DYRK1A: variants seen among roughly 807,000 people sequenced by gnomAD.
The protein encoded by DYRK1A is dual specificity tyrosine-phosphorylation-regulated kinase 1A.
Under a neutral mutation model 79.7 loss-of-function variants are expected in DYRK1A, and 9 were observed. That is an observed-to-expected ratio of 0.11 (90% CI 0.07 to 0.20). The LOEUF (loss-of-function observed/expected upper bound fraction) is 0.20, where lower values mean the gene tolerates loss of function less well. Ranked by LOEUF, DYRK1A falls within the 10% of genes least tolerant of loss-of-function variation. DYRK1A has a pLI of 1.00. For missense variants in DYRK1A, 622 were observed against 956.0 expected, an observed-to-expected ratio of 0.65 and a Z score of 4.61; for synonymous variants, 349 against 329.7, an observed-to-expected ratio of 1.06 and a Z score of -0.63.
At chr21:37,366,552 C>T (rs1360854223), upstream of DYRK1A, among the ~76,000 whole-genome samples, 5 of 151,376 alleles carry the variant, frequency 3.3e-5, no homozygotes, top group Non-Finnish European at 7.4e-5. Context: ...CACGCGCCCT[C>T]CTCTGACACT....
At position 37,479,606 on chromosome 21, in the gene DYRK1A, G is replaced by GTTTTTTTTTTTTTTTTTT. The variant is rs1183029117; in HGVS notation, c.301-1027_301-1026insTTTTTTTTTTTTTTTTTT. ...GTGTTGGTGTTTTGTTTTTGTTTTT[G>GTTTTTTTTTTTTTTTTTT]TTTTTGTTTTTTGTTTTTTTTTTTT... On this transcript the variant is annotated intron_variant, in intron 4 of 11. Coordinates refer to ENST00000647188, the MANE Select transcript of DYRK1A (RefSeq NM_001347721.2). Among the ~76,000 whole-genome samples, 57 of 27,588 alleles carry GTTTTTTTTTTTTTTTTTT rather than the reference G, an allele frequency of 2.1e-3. 1 individual carries two copies. Among genetic ancestry groups the GTTTTTTTTTTTTTTTTTT allele is most frequent in the South Asian group, 6.9e-3 (5 of 724 alleles). 18.1% of individuals were successfully genotyped at this position (27,588 alleles called of 152,430 possible). A position where few individuals can be genotyped will look rare whatever the true frequency, so the allele number is the denominator to read the frequency against.
chr21:37,519,736 G>GTGTTTT lies in DYRK1A; in HGVS notation c.*7206_*7207insGTTTTT, dbSNP rs1329924530. The GTGTTTT allele has an allele frequency of 1.9e-3, 159 of 85,766 alleles. 1 individual carries two copies. Among genetic ancestry groups the GTGTTTT allele is most frequent in the African/African-American group, 6.5e-3 (133 of 20,582 alleles). The allele number at this position is 85,766 out of a possible 1,614,324, so 5.3% of individuals were successfully genotyped here. ...AGAGTTTTGAGGTTTGTTGTGGGAA[G>GTGTTTT]TTTTTTTTTTTTTTTTTTTTTTTGA... is the stretch of plus-strand genomic sequence containing the variant. On this transcript the variant is annotated 3_prime_UTR_variant, in exon 12 of 12. Transcript: ENST00000647188.
chr21:37,382,418 T>C (rs1399063591), intron 1 of DYRK1A, among the ~76,000 whole-genome samples: 2 of 152,036 alleles, frequency 1.3e-5, no homozygotes, highest in Non-Finnish European at 2.9e-5. Context: ...ACCTGGCTTG[T>C]GGATTGGGTG....
At chr21:37,413,894 G>A (rs1047759431) in intron 1 of DYRK1A, among the ~76,000 whole-genome samples, 2 of 152,092 alleles carry the variant, frequency 1.3e-5, no homozygotes, top group Non-Finnish European at 2.9e-5. Context: ...CTTAGTTCCT[G>A]TTAGCAGAGG....
intron 2 of DYRK1A, among the ~76,000 whole-genome samples, chr21:37,460,230 C>T (rs1049235229): frequency 4.0e-5 from 6 of 151,866 alleles, no homozygotes; most frequent in African/African-American, 9.7e-5. Flanking sequence ...TTTATTGCAA[C>T]ATGTTGAGAA....
At position 37,366,821 on chromosome 21, in the gene DYRK1A, C is replaced by T. The variant is rs1421057683; in HGVS notation, c.-884C>T. On this transcript the variant is annotated 5_prime_UTR_variant, in exon 1 of 12. Coordinates refer to ENST00000647188, the MANE Select transcript of DYRK1A (RefSeq NM_001347721.2). ...TTGTTGGTTGGTTTTTTTTTAAACCCTTTCGCTTCCCGCCCGAATAATAAT... is the reference window on the plus strand; with the variant it reads ...TTGTTGGTTGGTTTTTTTTTAAACCTTTTCGCTTCCCGCCCGAATAATAAT... The T allele has an allele frequency of 1.3e-5, 2 of 151,988 alleles. No homozygotes were observed. Among genetic ancestry groups the T allele is most frequent in the East Asian group, 2.0e-4 (1 of 5,112 alleles). 9.4% of individuals were successfully genotyped at this position (151,988 alleles called of 1,614,324 possible).
chr21:37,417,138 G>A (rs2050357630), intron 1 of DYRK1A, among the ~76,000 whole-genome samples: 1 of 152,092 alleles, frequency 6.6e-6, no homozygotes, highest in South Asian at 2.1e-4. Flanking sequence ...CTGTCATGCT[G>A]ATGCATTCAT....
rs1328125246 is a variant in DYRK1A, at chr21:37,471,694, A to G, written c.11-990A>G. Among the ~76,000 whole-genome samples, 5 of 152,160 alleles carry G rather than the reference A, an allele frequency of 3.3e-5. No homozygotes were observed. In the East Asian group the frequency reaches 7.7e-4, roughly 23 times the overall value. ...CTCCAACCCCAGCAACCTGGCTGAG[A>G]GTCTGTGCCCTTCACTGTTGGACCA... On this transcript the variant is annotated intron_variant, in intron 2 of 11. Transcript: ENST00000647188.
At chr21:37,435,124 GAA>G (rs2050886741) in intron 2 of DYRK1A, among the ~76,000 whole-genome samples, 1 of 152,204 alleles carries the variant, frequency 6.6e-6, no homozygotes, top group African/African-American at 2.4e-5. Flanking sequence ...TTCTAAACGT[GAA>G]AGTGTTAACA....
chr21:37,374,111 A>G (rs1454066567), intron 1 of DYRK1A, among the ~76,000 whole-genome samples: 5 of 152,096 alleles, frequency 3.3e-5, no homozygotes, highest in African/African-American at 1.2e-4. Context: ...TTATTTTCTG[A>G]TAGAAACATG....
At chr21:37,443,392 G>T (rs964459746) in intron 2 of DYRK1A, among the ~76,000 whole-genome samples, 1 of 152,072 alleles carries the variant, frequency 6.6e-6, no homozygotes, top group African/African-American at 2.4e-5. Flanking sequence ...TCCCCCACCC[G>T]TATGGGTTGT....
At chr21:37,440,134 T>TTTTTTTTTTTTTTTTC (rs1198533465) in intron 2 of DYRK1A, among the ~76,000 whole-genome samples, 2 of 97,556 alleles carry the variant, frequency 2.1e-5, no homozygotes, top group Non-Finnish European at 4.4e-5. Context: ...TTGCTCCTTT[T>TTTTTTTTTTTTTTTTC]TTTTTTTTTT....
At chr21:37,460,463 T>A (rs2051803723) in intron 2 of DYRK1A, among the ~76,000 whole-genome samples, 1 of 152,208 alleles carries the variant, frequency 6.6e-6, no homozygotes, top group African/African-American at 2.4e-5. Flanking sequence ...AATCCACTGT[T>A]AGCCACTAGC....
chr21:37,417,543 T>TTCTTTTTCTTTTTCTTTTTCTTTTTC, intron 1 of DYRK1A, among the ~76,000 whole-genome samples: 1 of 136,948 alleles, frequency 7.3e-6, no homozygotes, highest in Admixed American at 7.4e-5. Context: ...TTTTTTTTTT[T>TTCTTTTTCTTTTTCTTTTTCTTTTTC]TTTTTTTTTT....
rs1217011762 is a variant in DYRK1A at position 37,515,139 on chromosome 21, C to CGA, written c.*2609_*2610insAG. 1 of 152,506 alleles carries CGA rather than the reference C, an allele frequency of 6.6e-6. No individual in the cohort carries two copies. The highest frequency in any genetic ancestry group is 1.5e-5 in the Non-Finnish European group (1 of 68,006). The allele number at this position is 152,506 out of a possible 1,614,324, so 9.4% of individuals were successfully genotyped here. On this transcript the variant is annotated 3_prime_UTR_variant, in exon 12 of 12. Coordinates refer to ENST00000647188, the MANE Select transcript of DYRK1A (RefSeq NM_001347721.2). ...AACCCCCCTTTGTATTATAGTCATG[C>CGA]GGTCTTATGTATGATAAACAGTTGA...
At chr21:37,508,702 C>A (rs1030872615) in intron 11 of DYRK1A, among the ~76,000 whole-genome samples, 1 of 152,216 alleles carries the variant, frequency 6.6e-6, no homozygotes, top group East Asian at 1.9e-4. Flanking sequence ...GCCATTCTTT[C>A]TCCTCTTCAC....
At chr21:37,392,875 A>G (rs1323992805) in intron 1 of DYRK1A, among the ~76,000 whole-genome samples, 1 of 152,228 alleles carries the variant, frequency 6.6e-6, no homozygotes, top group Non-Finnish European at 1.5e-5. Context: ...TTCTGCTTCC[A>G]AGATGGCGTT....
intron 4 of DYRK1A, 93 bp downstream of exon 4, chr21:37,478,393 C>G: frequency 9.8e-7 from 1 of 1,016,882 alleles, no homozygotes; most frequent in East Asian, 2.6e-5. Context: ...TTTTTCATTC[C>G]TAGTAGTTGT....
At chr21:37,394,930 A>G (rs1386436093) in intron 1 of DYRK1A, among the ~76,000 whole-genome samples, 1 of 152,244 alleles carries the variant, frequency 6.6e-6, no homozygotes, top group Admixed American at 6.5e-5. Context: ...TACGTGTTAC[A>G]GTTCACAAAC....
Sources: allele counts gnomAD v4.1 joint callset (sites outside exome capture counted in the v4.1 genomes callset), GRCh38; gene constraint gnomAD v4.1.1; transcripts MANE v1.5; gene names NCBI Gene and HGNC (gene_info 2026-07-23, HGNC 2026-07-21).